Variants in LRRC57 observed in about 807,000 individuals in gnomAD.
LRRC57 encodes leucine-rich repeat-containing protein 57.
LRRC57 carries 14 observed loss-of-function variants against 23.1 expected under a neutral mutation model. The observed-to-expected ratio is 0.61, with a 90% CI of 0.40 to 0.95. The LOEUF is 0.95. LRRC57 is among the 40% of genes least tolerant of loss of function. The pLI, the probability that LRRC57 is intolerant of heterozygous loss-of-function variation, is 0.00. For synonymous variants in LRRC57, 106 were observed against 115.2 expected, an observed-to-expected ratio of 0.92 and a Z score of 0.51; for missense variants, 236 against 284.4, an observed-to-expected ratio of 0.83 and a Z score of 1.22.
intron 5 of LRRC57, among the ~76,000 whole-genome samples, chr15:42,544,838 C>CTATATATATAT (rs1484623621): frequency 9.1e-6 from 1 of 109,298 alleles, no homozygotes; most frequent in African/African-American, 5.1e-5. Flanking sequence ...CACACACACA[C>CTATATATATAT]ACACTATATA....
chr15:42,546,118 C>T (rs1021869252), intron 4 of LRRC57, among the ~76,000 whole-genome samples: 1 of 152,138 alleles, frequency 6.6e-6, no homozygotes, highest in African/African-American at 2.4e-5. Flanking sequence ...CTAAAAGTCA[C>T]CAAATTATTT....
the LRRC57 span, among the ~76,000 whole-genome samples, chr15:42,528,831 C>G: frequency 4.6e-5 from 7 of 152,166 alleles, no homozygotes; most frequent in Non-Finnish European, 8.8e-5. Context: ...GGTGATCCAC[C>G]TGCCTCGGCC....
rs913978716 is a variant in LRRC57, at chr15:42,548,377, GAA to G, written c.56_57del (p.Phe19SerfsTer3). ...TCGGTCAGCCCTCGGTCCTTAAGCTGAAAGACACCAGTTTTCTGCGCCGTTTC... is the reference window on the plus strand; with the variant it reads ...TCGGTCAGCCCTCGGTCCTTAAGCTGAGACACCAGTTTTCTGCGCCGTTTC... ...HVETAQKTGV[F>X]QLKDRGLTEF... On this transcript the variant is annotated frameshift_variant, in exon 2 of 6. Coordinates refer to ENST00000397130, the MANE Select transcript of LRRC57 (RefSeq NM_153260.3). LOFTEE classifies it high-confidence loss of function. The G allele has an allele frequency of 6.2e-7, 1 of 1,614,206 alleles. No individual in the cohort carries two copies. Among genetic ancestry groups the G allele is most frequent in the Admixed American group, 1.7e-5 (1 of 60,028 alleles).
Position 42,547,419 on chromosome 15 carries a change from T to C in LRRC57, c.334A>G (p.Thr112Ala). The C allele has an allele frequency of 1.9e-6, 3 of 1,614,086 alleles. No homozygotes were observed. The South Asian group carries it at 3.3e-5, about 18-fold the overall frequency. Residue 112 changes from threonine to alanine, a missense_variant, in exon 4 of 6, where the codon ACC becomes GCC. Transcript: ENST00000397130. ...AGTTGGTTCCCAGAGAGGCTCAGGG[T>C]CTTGAGGGCAGAGAGTTGCCCAAAG... Reference protein sequence around the residue: ...STFGQLSALKTLSLSGNQLGA... With the variant: ...STFGQLSALKALSLSGNQLGA...
Position 42,545,058 on chromosome 15 carries a change from G to T in LRRC57, c.678+19C>A. The T allele has an allele frequency of 1.3e-6, 2 of 1,541,720 alleles. No individual in the cohort carries two copies. The highest frequency in any genetic ancestry group is 1.8e-6 in the Non-Finnish European group (2 of 1,140,542). On this transcript the variant is annotated intron_variant, in intron 5 of 5. Transcript: ENST00000397130. ...CTCTGGGGTAGTGACTAGAAATGCA[G>T]AAGTACATTAATTCATACCTTATCA... is the stretch of plus-strand genomic sequence containing the variant.
chr15:42,544,009 G>A lies in LRRC57; in HGVS notation c.*74C>T. The A allele has an allele frequency of 1.6e-6, 2 of 1,224,296 alleles. No individual in the cohort carries two copies. The highest frequency in any genetic ancestry group is 1.2e-6 in the Non-Finnish European group (1 of 839,208). The allele number at this position is 1,224,296 out of a possible 1,614,324, so 75.8% of individuals were successfully genotyped here. ...GTAGATACCCCTAACAACAACAGGAGGCTTTGACTCAGCCACATTCCAACA... is the reference window on the plus strand; with the variant it reads ...GTAGATACCCCTAACAACAACAGGAAGCTTTGACTCAGCCACATTCCAACA... On this transcript the variant is annotated 3_prime_UTR_variant, in exon 6 of 6. Coordinates refer to ENST00000397130, the MANE Select transcript of LRRC57 (RefSeq NM_153260.3).
At position 42,539,493 on chromosome 15, in the gene LRRC57, A is replaced by AAAAAAAAAG. The variant is rs2057617166; in HGVS notation, c.*4589_*4590insCTTTTTTTT. The AAAAAAAAAG allele has an allele frequency of 6.6e-6, 1 of 150,674 alleles. No individual in the cohort carries two copies. Among genetic ancestry groups the AAAAAAAAAG allele is most frequent in the African/African-American group, 2.4e-5 (1 of 40,970 alleles). The allele number at this position is 150,674 out of a possible 1,614,324, so 9.3% of individuals were successfully genotyped here. On this transcript the variant is annotated 3_prime_UTR_variant, in exon 6 of 6. Transcript: ENST00000397130. ...CCTCTGTCTCAAAAAAAAAAAAAAA[A>AAAAAAAAAG]AAAAAGAGACTTAAAAGCCAGGCAG...
downstream of LRRC57, among the ~76,000 whole-genome samples, chr15:42,534,028 C>T (rs8035877): frequency 0.047 from 7,217 of 152,312 alleles, 573 homozygotes; most frequent in African/African-American, 0.16. Context: ...AGTTTGAGAC[C>T]AGCCTGGCCA....
At position 42,538,262 on chromosome 15, in the gene LRRC57, A is replaced by G. The variant is rs2057610788; in HGVS notation, c.*5821T>C. Reference sequence around the variant, plus strand: ...TTTAGGTCACTCTTACCAAAACTTCAGGTTATCCCAATTACATTCCTAATC... The same window carrying G: ...TTTAGGTCACTCTTACCAAAACTTCGGGTTATCCCAATTACATTCCTAATC... On this transcript the variant is annotated 3_prime_UTR_variant, in exon 6 of 6. Transcript: ENST00000397130. The G allele has an allele frequency of 6.6e-6, 1 of 152,216 alleles. No individual in the cohort carries two copies. The highest frequency in any genetic ancestry group is 2.4e-5 in the African/African-American group (1 of 41,454). 9.4% of individuals were successfully genotyped at this position (152,216 alleles called of 1,614,324 possible).
chr15:42,548,094 C>T lies in LRRC57; in HGVS notation c.223+12G>A. 1.9e-6 allele frequency: 3 copies of T among 1,613,830 alleles called. No individual in the cohort carries two copies. Among genetic ancestry groups the T allele is most frequent in the Non-Finnish European group, 2.5e-6 (3 of 1,179,842 alleles). On this transcript the variant is annotated intron_variant, in intron 3 of 5. Coordinates refer to ENST00000397130, the MANE Select transcript of LRRC57 (RefSeq NM_153260.3). ...TGATCACTAGCAAAAGCCTCCCTGG[C>T]GAGAGCCATACTCAGTTTGTTGTTG... is the stretch of plus-strand genomic sequence containing the variant.
At chr15:42,545,335 CA>C (rs2057654204) in intron 4 of LRRC57, 73 bp from the exon 5 acceptor site, 2 of 1,042,924 alleles carry the variant, frequency 1.9e-6, no homozygotes, top group East Asian at 3.0e-5. Flanking sequence ...TACATTAAAA[CA>C]AAACAAAAAT....
downstream of LRRC57, among the ~76,000 whole-genome samples, chr15:42,537,230 C>T (rs1042766350): frequency 7.4e-6 from 1 of 134,674 alleles, no homozygotes. Context: ...CTCTCTCTCT[C>T]TCTCACACAC....
In LRRC57 at chr15:42,548,717, G is replaced by A. The variant is rs1016634403; in HGVS notation, c.-47C>T. ...CCTCCCACCGCTCAGCTGCCGTAAGGCTCCGCAGGTGAAGACCCAGGACCC... is the reference window on the plus strand; with the variant it reads ...CCTCCCACCGCTCAGCTGCCGTAAGACTCCGCAGGTGAAGACCCAGGACCC... On this transcript the variant is annotated 5_prime_UTR_variant, in exon 1 of 6. Transcript: ENST00000397130. 9 of 639,704 alleles carry A rather than the reference G, an allele frequency of 1.4e-5. No individual in the cohort carries two copies. The highest frequency in any genetic ancestry group is 2.1e-5 in the Non-Finnish European group (8 of 372,346). 39.6% of individuals were successfully genotyped at this position (639,704 alleles called of 1,614,324 possible).
At chr15:42,529,606 T>C in the LRRC57 span, 1 of 1,528,986 alleles carries the variant, frequency 6.5e-7, no homozygotes, top group Non-Finnish European at 8.9e-7. Flanking sequence ...CTTACTTTTG[T>C]GAAAAGTAAA....
intron 4 of LRRC57, among the ~76,000 whole-genome samples, chr15:42,546,666 G>A (rs889131688): frequency 1.2e-4 from 19 of 152,130 alleles, no homozygotes; most frequent in African/African-American, 4.6e-4. Flanking sequence ...AGAATCTTTG[G>A]ATTGGTTTTC....
Position 42,539,758 on chromosome 15 carries a change from A to AT in LRRC57, c.*4324dup, listed in dbSNP as rs1349256805. 2 of 152,214 alleles carry AT rather than the reference A, an allele frequency of 1.3e-5. No homozygotes were observed. Among genetic ancestry groups the AT allele is most frequent in the Admixed American group, 1.3e-4 (2 of 15,268 alleles). The allele number at this position is 152,214 out of a possible 1,614,324, so 9.4% of individuals were successfully genotyped here. ...GCTGTAACTTTGGGCATATTACTGT[A>AT]TATAGCCCTTGCCCTCAAAGAGTTA... On this transcript the variant is annotated 3_prime_UTR_variant, in exon 6 of 6. Transcript: ENST00000397130.
downstream of LRRC57, among the ~76,000 whole-genome samples, chr15:42,535,324 T>C (rs886572145): frequency 6.6e-6 from 1 of 152,244 alleles, no homozygotes; most frequent in Non-Finnish European, 1.5e-5. Flanking sequence ...CTTTATAGCA[T>C]TGAAGGGAGT....
the LRRC57 span, chr15:42,531,261 A>G: frequency 2.1e-6 from 1 of 472,438 alleles, no homozygotes; most frequent in Admixed American, 3.9e-5. Context: ...TGAATTTCAT[A>G]TTCTGTTACT....
At chr15:42,529,725 T>G in the LRRC57 span, 1 of 1,614,094 alleles carries the variant, frequency 6.2e-7, no homozygotes, top group Non-Finnish European at 8.5e-7. Flanking sequence ...CTGACTCAAG[T>G]GGGCAGTATC....
Sources: gnomAD v4.1 joint callset for allele counts (sites outside exome capture counted in the v4.1 genomes callset) on GRCh38, gnomAD v4.1.1 for gene constraint, MANE v1.5 for transcripts, NCBI Gene and HGNC (gene_info 2026-07-23, HGNC 2026-07-21) for gene names.